The following TRPC5 variants were observed in gnomAD, a reference collection of about 807,000 sequenced individuals.
TRPC5 encodes short transient receptor potential channel 5.
TRPC5 carries 9 observed loss-of-function variants against 56.5 expected under a neutral mutation model. The ratio of observed to expected loss-of-function variants is 0.16; its 90% CI spans 0.10 to 0.28. TRPC5 has a LOEUF of 0.28. Among genes scored for constraint, TRPC5 ranks in the 10% least tolerant of loss-of-function variants. TRPC5 has a pLI of 1.00. For missense variants in TRPC5, 469 were observed against 748.9 expected (o/e 0.63, Z 4.36); for synonymous variants, 282 against 278.5 (o/e 1.01, Z -0.13).
At chrX:111,850,263 A>G (rs1233115516) in intron 5 of TRPC5, among the ~76,000 whole-genome samples, 1 of 111,572 alleles carries the variant, frequency 9.0e-6, no homozygotes, top group Non-Finnish European at 1.9e-5. Flanking sequence ...TCAATCTTAT[A>G]TATATTTGTT....
chrX:111,905,747 T>C (rs1424932669), intron 3 of TRPC5, among the ~76,000 whole-genome samples: 3 of 108,915 alleles, frequency 2.8e-5, no homozygotes, highest in Middle Eastern at 4.7e-3. Context: ...ACCCCGTCTC[T>C]ACTAAAAATA....
intron 3 of TRPC5, among the ~76,000 whole-genome samples, chrX:111,882,894 T>C (rs1212780974): frequency 9.0e-6 from 1 of 111,554 alleles, no homozygotes; most frequent in Admixed American, 9.5e-5. Flanking sequence ...AAGACCAGCC[T>C]GACTAGCATG....
intron 1 of TRPC5, among the ~76,000 whole-genome samples, chrX:112,047,642 AT>A (rs765210643): frequency 2.7e-5 from 3 of 112,361 alleles, no homozygotes; most frequent in Non-Finnish European, 3.8e-5. Context: ...TTAAAAAATA[AT>A]GAGAATCCTT....
At chrX:111,796,592 A>G (rs1042511440) in intron 7 of TRPC5, among the ~76,000 whole-genome samples, 1 of 112,000 alleles carries the variant, frequency 8.9e-6, no homozygotes, top group Non-Finnish European at 1.9e-5. Context: ...TGCTCAGTTA[A>G]TGATTGCACA....
intron 2 of TRPC5, among the ~76,000 whole-genome samples, chrX:111,921,445 A>C (rs1458794232): frequency 9.4e-6 from 1 of 106,277 alleles, no homozygotes; most frequent in African/African-American, 3.6e-5. Flanking sequence ...TTACGATTTA[A>C]CATTTTTTTT....
intron 1 of TRPC5, among the ~76,000 whole-genome samples, chrX:111,984,398 C>T (rs540926832): frequency 1.8e-5 from 2 of 111,785 alleles, no homozygotes; most frequent in African/African-American, 6.5e-5. Context: ...GTAACACACT[C>T]AAATGAGAAC....
Position 111,781,192 on chromosome X carries a change from G to C in TRPC5, c.2115C>G (p.Asp705Glu), listed in dbSNP as rs373545304. ...GATAATGTTGATTTTGTATCAGGCT[G>C]TCAGCATTGCGTTCCTATAATTGAA... is the stretch of plus-strand genomic sequence containing the variant. ...NLRSFTERNADSLIQNQHYQE... is the reference protein window; with the variant it reads ...NLRSFTERNAESLIQNQHYQE... Residue 705 changes from aspartate to glutamate, a missense_variant, in exon 9 of 11, where the codon GAC becomes GAG. Physicochemically the swap from Asp to Glu is conservative, Grantham distance 45 (BLOSUM62 2). Transcript: ENST00000262839. 1.3e-5 allele frequency: 16 copies of C among 1,208,041 alleles called. No homozygotes were observed. The highest frequency in any genetic ancestry group is 1.6e-5 in the Non-Finnish European group (14 of 893,756).
chrX:111,832,527 A>T lies in TRPC5; in HGVS notation c.1896+2394T>A, dbSNP rs185273465. ...TACTGAAGCAGAGATGTTGCAAATGAAATTAAATCTACTTTCTGGCCCTTA... is the reference window on the plus strand; with the variant it reads ...TACTGAAGCAGAGATGTTGCAAATGTAATTAAATCTACTTTCTGGCCCTTA... On this transcript the variant is annotated intron_variant, in intron 7 of 10. Coordinates refer to ENST00000262839, the MANE Select transcript of TRPC5 (RefSeq NM_012471.3). Among the ~76,000 whole-genome samples, 8 of 112,323 alleles carry T rather than the reference A, an allele frequency of 7.1e-5. No homozygotes were observed. The East Asian group carries it at 2.2e-3, about 32-fold the overall frequency.
intron 1 of TRPC5, among the ~76,000 whole-genome samples, chrX:111,993,045 T>G (rs975991907): frequency 2.8e-5 from 3 of 106,484 alleles, no homozygotes; most frequent in Admixed American, 1.0e-4. Context: ...ATGCTATCCC[T>G]CCCCCAGCCC....
intron 1 of TRPC5, among the ~76,000 whole-genome samples, chrX:112,064,660 C>T (rs1168999049): frequency 8.9e-6 from 1 of 112,327 alleles, no homozygotes; most frequent in Non-Finnish European, 1.9e-5. Flanking sequence ...CAGGAATAAT[C>T]TCTCTACTGA....
intron 1 of TRPC5, among the ~76,000 whole-genome samples, chrX:111,968,523 T>C (rs370852930): frequency 1.8e-5 from 2 of 110,069 alleles, no homozygotes; most frequent in Non-Finnish European, 3.8e-5. Context: ...GACACATGCA[T>C]ACGTATGTTT....
intron 2 of TRPC5, among the ~76,000 whole-genome samples, chrX:111,929,542 A>T (rs1014293937): frequency 3.6e-5 from 4 of 112,103 alleles, no homozygotes; most frequent in African/African-American, 1.3e-4. Context: ...ACAACTCCAG[A>T]TGTTTTATGC....
In TRPC5 at chrX:112,050,817, T is replaced by C. The variant is rs780782435; in HGVS notation, c.-22+31062A>G. Among the ~76,000 whole-genome samples, 6 of 112,462 alleles carry C rather than the reference T, an allele frequency of 5.3e-5. No individual in the cohort carries two copies. The South Asian group carries it at 2.2e-3, about 42-fold the overall frequency. On this transcript the variant is annotated intron_variant, in intron 1 of 10. Transcript: ENST00000262839. ...GAAAGGAGTCTGTCATCCATTATTT[T>C]ATTTGAGACTCACAGAGCCCATCAG...
intron 3 of TRPC5, chrX:111,903,383 C>T (rs1925454020): frequency 8.9e-6 from 1 of 111,832 alleles, no homozygotes; most frequent in Non-Finnish European, 1.9e-5. Flanking sequence ...AACAGTTATG[C>T]GACGGTTTAT....
intron 7 of TRPC5, among the ~76,000 whole-genome samples, chrX:111,786,192 GC>G (rs1442503572): frequency 9.0e-6 from 1 of 111,678 alleles, no homozygotes; most frequent in Admixed American, 9.6e-5. Flanking sequence ...ACAAAGGGAA[GC>G]CCATCAGACT....
chrX:111,919,231 G>A (rs1023136873), intron 2 of TRPC5, among the ~76,000 whole-genome samples: 6 of 111,530 alleles, frequency 5.4e-5, no homozygotes, highest in Non-Finnish European at 1.1e-4. Flanking sequence ...GAACTCTGTA[G>A]CTAGCTAGAG....
Position 111,952,433 on chromosome X carries a change from T to G in TRPC5, c.-13A>C. Reference sequence around the variant, plus strand: ...ACAGTTGGGCCATGGTTCATAGCAATGCAGAAATCTGAGTGAGGAAACAGA... The same window carrying G: ...ACAGTTGGGCCATGGTTCATAGCAAGGCAGAAATCTGAGTGAGGAAACAGA... On this transcript the variant is annotated 5_prime_UTR_variant, in exon 2 of 11. Transcript: ENST00000262839. 2.5e-6 allele frequency: 3 copies of G among 1,178,958 alleles called. No individual in the cohort carries two copies. The highest frequency in any genetic ancestry group is 3.4e-6 in the Non-Finnish European group (3 of 879,183).
intron 3 of TRPC5, among the ~76,000 whole-genome samples, chrX:111,874,234 C>A (rs1191644499): frequency 8.9e-6 from 1 of 112,324 alleles, no homozygotes; most frequent in Non-Finnish European, 1.9e-5. Context: ...CAGATAATAA[C>A]AAAATCAGAT....
intron 2 of TRPC5, among the ~76,000 whole-genome samples, chrX:111,935,421 C>T (rs1926539997): frequency 9.0e-6 from 1 of 111,431 alleles, no homozygotes; most frequent in Non-Finnish European, 1.9e-5. Context: ...CTGTAGGTTG[C>T]CTCTTCACTT....
Sources: allele counts gnomAD v4.1 joint callset (sites outside exome capture counted in the v4.1 genomes callset), GRCh38; gene constraint gnomAD v4.1.1; transcripts MANE v1.5; gene names NCBI Gene and HGNC (gene_info 2026-07-23, HGNC 2026-07-21).